KIRREL3: variants seen among roughly 807,000 people sequenced by gnomAD.
KIRREL3 encodes kirre like nephrin family adhesion molecule 3, also known as kin of IRRE-like protein 3.
In KIRREL3, 36 loss-of-function variants were observed where a neutral mutation model predicts 89.7. That is an observed-to-expected ratio of 0.40 (90% CI 0.31 to 0.53). KIRREL3 has a LOEUF of 0.53. KIRREL3 is among the 20% of genes least tolerant of loss of function. The pLI, the probability that KIRREL3 is intolerant of heterozygous loss-of-function variation, is 0.49. For synonymous variants in KIRREL3, 445 were observed against 441.4 expected, an observed-to-expected ratio of 1.01 and a Z score of -0.10; for missense variants, 864 against 1,056.6, an observed-to-expected ratio of 0.82 and a Z score of 2.53.
chr11:126,549,826 G>A (rs1370039474), intron 2 of KIRREL3: 2 of 152,216 alleles, frequency 1.3e-5, no homozygotes, highest in South Asian at 2.1e-4. Flanking sequence ...GCGGTGTGGC[G>A]TTTGGAGAGC....
chr11:126,746,591 C>A (rs930732627), intron 1 of KIRREL3, among the ~76,000 whole-genome samples: 1 of 152,110 alleles, frequency 6.6e-6, no homozygotes, highest in African/African-American at 2.4e-5. Flanking sequence ...TGCCAGCCAC[C>A]CAGTCACCCA....
intron 1 of KIRREL3, among the ~76,000 whole-genome samples, chr11:126,638,638 G>A (rs1048567719): frequency 3.3e-5 from 5 of 152,176 alleles, no homozygotes; most frequent in South Asian, 2.1e-4. Flanking sequence ...TTCTCCCTCC[G>A]TATCTTTCCC....
intron 4 of KIRREL3, among the ~76,000 whole-genome samples, chr11:126,487,526 A>G (rs945425224): frequency 2.6e-5 from 4 of 152,242 alleles, no homozygotes; most frequent in Admixed American, 6.5e-5. Context: ...CAAATTTACC[A>G]GATCCACTGT....
intron 1 of KIRREL3, among the ~76,000 whole-genome samples, chr11:126,679,052 C>T (rs983050508): frequency 1.3e-5 from 2 of 152,206 alleles, no homozygotes; most frequent in African/African-American, 4.8e-5. Context: ...AGATGCTTTG[C>T]TTTTTGACAA....
At chr11:126,500,002 T>G (rs1372991945) in intron 4 of KIRREL3, among the ~76,000 whole-genome samples, 1 of 152,204 alleles carries the variant, frequency 6.6e-6, no homozygotes, top group East Asian at 1.9e-4. Context: ...CGTAAGCATT[T>G]AATAAAGATG....
rs940360891 is a variant in KIRREL3, at chr11:126,830,391, G to A, written c.55+170064C>T. Among the ~76,000 whole-genome samples the A allele has an allele frequency of 3.3e-5, 5 of 152,084 alleles. 1 individual carries two copies. Among genetic ancestry groups the A allele is most frequent in the African/African-American group, 1.2e-4 (5 of 41,388 alleles). On this transcript the variant is annotated intron_variant, in intron 1 of 16. Transcript: ENST00000525144. The surrounding 1 kb of genome is among the most constrained non-coding windows in gnomAD (Gnocchi z 4.9). ...TGGCGCCCACAGAATGGAACACAAA[G>A]GCAACTTGGAAATTTTAATGAAAAC...
In KIRREL3 at chr11:126,563,293, G is replaced by A. The variant is rs1940265256; in HGVS notation, c.56-381C>T. 6.6e-6 allele frequency among the ~76,000 whole-genome samples: 1 copy of A among 152,302 alleles called. No homozygotes were observed. Among genetic ancestry groups the A allele is most frequent in the Non-Finnish European group, 1.5e-5 (1 of 68,026 alleles). ...AGGCCCTTTGTATCTCAGGCTTGGGGACTATGCTCAGATCAACTTGGGACT... is the reference window on the plus strand; with the variant it reads ...AGGCCCTTTGTATCTCAGGCTTGGGAACTATGCTCAGATCAACTTGGGACT... On this transcript the variant is annotated intron_variant, in intron 1 of 16. Transcript: ENST00000525144. The surrounding 1 kb of genome is among the most constrained non-coding windows in gnomAD (Gnocchi z 6.8).
At chr11:126,962,307 AG>A (rs1263203852) in intron 1 of KIRREL3, among the ~76,000 whole-genome samples, 1 of 152,186 alleles carries the variant, frequency 6.6e-6, no homozygotes, top group Non-Finnish European at 1.5e-5. Context: ...GATTCATGGG[AG>A]GAGGTCAAGA....
intron 1 of KIRREL3, among the ~76,000 whole-genome samples, chr11:126,581,763 TCTC>T (rs1249293351): frequency 6.6e-6 from 1 of 151,558 alleles, no homozygotes; most frequent in East Asian, 1.9e-4. Flanking sequence ...TAGACAGGAG[TCTC>T]CTCTTGAACC....
Position 126,773,215 on chromosome 11 carries a change from T to C in KIRREL3, c.56-210303A>G, listed in dbSNP as rs1950070278. Among the ~76,000 whole-genome samples, 1 of 152,228 alleles carries C rather than the reference T, an allele frequency of 6.6e-6. No individual in the cohort carries two copies. Among genetic ancestry groups the C allele is most frequent in the Non-Finnish European group, 1.5e-5 (1 of 68,040 alleles). Reference sequence around the variant, plus strand: ...TGCCCAGATGTTTTGTCAAACATTCTGGATGTTTCTGTGAAGGTGTTTCAG... The same window carrying C: ...TGCCCAGATGTTTTGTCAAACATTCCGGATGTTTCTGTGAAGGTGTTTCAG... On this transcript the variant is annotated intron_variant, in intron 1 of 16. Coordinates refer to ENST00000525144, the MANE Select transcript of KIRREL3 (RefSeq NM_032531.4). This position sits in a 1 kb window ranked among gnomAD's most constrained non-coding sequence, Gnocchi z 4.2.
chr11:126,565,185 G>A lies in KIRREL3; in HGVS notation c.56-2273C>T, dbSNP rs1368508021. Among the ~76,000 whole-genome samples the A allele has an allele frequency of 6.6e-6, 1 of 152,112 alleles. No homozygotes were observed. Among genetic ancestry groups the A allele is most frequent in the East Asian group, 1.9e-4 (1 of 5,188 alleles). ...ACTGAACGCTCAGGCAAATGGAAGGGCGAACAATTCTCTTACAGATTTAGA... is the reference window on the plus strand; with the variant it reads ...ACTGAACGCTCAGGCAAATGGAAGGACGAACAATTCTCTTACAGATTTAGA... On this transcript the variant is annotated intron_variant, in intron 1 of 16. Transcript: ENST00000525144. This position sits in a 1 kb window ranked among gnomAD's most constrained non-coding sequence, Gnocchi z 5.4.
Position 126,555,744 on chromosome 11 carries a change from A to ATT in KIRREL3, c.133+7089_133+7090dup, listed in dbSNP as rs57844137. On this transcript the variant is annotated intron_variant, in intron 2 of 16. Transcript: ENST00000525144. This position sits in a 1 kb window ranked among gnomAD's most constrained non-coding sequence, Gnocchi z 4.2. Reference sequence around the variant, plus strand: ...TGTAGAACATGCTAACAATGTGAGCATTTTTTTTTTTTTTGAGACGGAGTC... The same window carrying ATT: ...TGTAGAACATGCTAACAATGTGAGCATTTTTTTTTTTTTTTTGAGACGGAGTC... 0.01 allele frequency among the ~76,000 whole-genome samples: 1,474 copies of ATT among 145,518 alleles called. 27 individuals carry two copies. The highest frequency in any genetic ancestry group is 0.04 in the East Asian group (198 of 4,936).
intron 1 of KIRREL3, among the ~76,000 whole-genome samples, chr11:126,648,464 A>G (rs770538563): frequency 6.6e-6 from 1 of 152,092 alleles, no homozygotes; most frequent in Non-Finnish European, 1.5e-5. Flanking sequence ...GGGACTGACC[A>G]TCTTATTTAA....
At chr11:126,848,860 T>C (rs1431307431) in intron 1 of KIRREL3, among the ~76,000 whole-genome samples, 1 of 152,158 alleles carries the variant, frequency 6.6e-6, no homozygotes, top group African/African-American at 2.4e-5. Context: ...ACCTTCATAG[T>C]TTGGCAAAAA....
chr11:126,656,306 G>A lies in KIRREL3; in HGVS notation c.56-93394C>T, dbSNP rs2134992494. 3 of 325,092 alleles carry A rather than the reference G, an allele frequency of 9.2e-6. No homozygotes were observed. The highest frequency in any genetic ancestry group is 7.6e-5 in the South Asian group (3 of 39,600). The allele number at this position is 325,092 out of a possible 1,614,324, so 20.1% of individuals were successfully genotyped here. ...CCTCCATGATTCAGTTTCTTCATTT[G>A]CAAAATAATTTAAATAAGATAATAT... On this transcript the variant is annotated intron_variant, in intron 1 of 16. Transcript: ENST00000525144. This position sits in a 1 kb window ranked among gnomAD's most constrained non-coding sequence, Gnocchi z 4.0.
At chr11:126,473,863 G>T (rs376512243) in intron 4 of KIRREL3, among the ~76,000 whole-genome samples, 1 of 152,254 alleles carries the variant, frequency 6.6e-6, no homozygotes, top group Non-Finnish European at 1.5e-5. Flanking sequence ...GCATGATCTC[G>T]GCTCACTGCA....
intron 1 of KIRREL3, among the ~76,000 whole-genome samples, chr11:126,855,075 G>A (rs1166462939): frequency 6.6e-6 from 1 of 152,202 alleles, no homozygotes; most frequent in Non-Finnish European, 1.5e-5. Context: ...TCTGGCTCAG[G>A]AGCCTGGAAA....
chr11:126,431,087 G>C lies in KIRREL3; in HGVS notation c.1696+332C>G. 1 of 1,386,188 alleles carries C rather than the reference G, an allele frequency of 7.2e-7. No individual in the cohort carries two copies. Among genetic ancestry groups the C allele is most frequent in the Non-Finnish European group, 9.3e-7 (1 of 1,072,578 alleles). 85.9% of individuals were successfully genotyped at this position (1,386,188 alleles called of 1,614,324 possible). ...TCTCTCTAGACTAACAGCTCTTGTA[G>C]AGCAAGGATCAAACCACAAACCGCT... On this transcript the variant is annotated intron_variant, in intron 14 of 16. Coordinates refer to ENST00000525144, the MANE Select transcript of KIRREL3 (RefSeq NM_032531.4). This position sits in a 1 kb window ranked among gnomAD's most constrained non-coding sequence, Gnocchi z 7.1.
intron 2 of KIRREL3, among the ~76,000 whole-genome samples, chr11:126,548,473 G>A (rs117654456): frequency 0.021 from 3,273 of 152,262 alleles, 117 homozygotes; most frequent in East Asian, 0.17. Flanking sequence ...ATACCCCACC[G>A]CTTGGGTGCC....
Sources: gnomAD v4.1 joint callset for allele counts (sites outside exome capture counted in the v4.1 genomes callset) on GRCh38, gnomAD v4.1.1 for gene constraint, Gnocchi (gnomAD v3.1) non-coding constraint, MANE v1.5 for transcripts, NCBI Gene and HGNC (gene_info 2026-07-23, HGNC 2026-07-21) for gene names.